GRIK2: variants seen among roughly 807,000 people sequenced by gnomAD.
GRIK2 encodes glutamate receptor ionotropic, kainate 2.
In GRIK2, 32 loss-of-function variants were observed where a neutral mutation model predicts 100.3. The observed-to-expected ratio is 0.32, with a 90% CI of 0.24 to 0.43. The LOEUF is 0.43. GRIK2 is among the 20% of genes least tolerant of loss of function. GRIK2 has a pLI of 1.00. For synonymous variants in GRIK2, 417 were observed against 389.4 expected (o/e 1.07, Z -0.83); for missense variants, 843 against 1,114.9 (o/e 0.76, Z 3.47).
At chr6:101,817,602 G>A (rs1311951849) in intron 9 of GRIK2, among the ~76,000 whole-genome samples, 6 of 152,142 alleles carry the variant, frequency 3.9e-5, no homozygotes, top group African/African-American at 1.4e-4. Context: ...AATGCATTTT[G>A]TGACATCCTG....
intron 2 of GRIK2, among the ~76,000 whole-genome samples, chr6:101,478,099 A>C (rs1253748347): frequency 6.6e-6 from 1 of 152,198 alleles, no homozygotes; most frequent in Admixed American, 6.6e-5. Context: ...TTTTTGAATA[A>C]GAGTATATAA....
intron 2 of GRIK2, among the ~76,000 whole-genome samples, chr6:101,443,167 G>A (rs1239275440): frequency 6.6e-6 from 1 of 152,086 alleles, no homozygotes; most frequent in Non-Finnish European, 1.5e-5. Flanking sequence ...AGGCACCTGG[G>A]ATAAGAGGCA....
chr6:101,761,540 A>T (rs1396481134), intron 7 of GRIK2, among the ~76,000 whole-genome samples: 1 of 152,110 alleles, frequency 6.6e-6, no homozygotes, highest in Non-Finnish European at 1.5e-5. Flanking sequence ...GCTTTCCCAC[A>T]TTATTTTGCA....
chr6:101,756,877 A>AT (rs1777168549), intron 7 of GRIK2, among the ~76,000 whole-genome samples: 1 of 152,134 alleles, frequency 6.6e-6, no homozygotes, highest in Non-Finnish European at 1.5e-5. Flanking sequence ...AAAATTTGGC[A>AT]TTTTTTGCTA....
chr6:101,931,857 T>G (rs1562494749), intron 14 of GRIK2, among the ~76,000 whole-genome samples: 1 of 152,078 alleles, frequency 6.6e-6, no homozygotes, highest in Non-Finnish European at 1.5e-5. Context: ...AGTCCAAGAA[T>G]TTTATTAAGA....
At chr6:102,057,718 A>C (rs1771533092) in intron 16 of GRIK2, among the ~76,000 whole-genome samples, 1 of 151,856 alleles carries the variant, frequency 6.6e-6, no homozygotes, top group Admixed American at 6.6e-5. Context: ...GTCCCTGTCC[A>C]CTGCTGTAGC....
intron 14 of GRIK2, among the ~76,000 whole-genome samples, chr6:101,996,784 C>T (rs1486764006): frequency 6.6e-6 from 1 of 152,090 alleles, no homozygotes; most frequent in Non-Finnish European, 1.5e-5. Flanking sequence ...CTCACCAAGG[C>T]TTGGCCGTGG....
At chr6:101,872,511 C>T (rs925587061) in intron 11 of GRIK2, among the ~76,000 whole-genome samples, 1 of 151,824 alleles carries the variant, frequency 6.6e-6, no homozygotes, top group Admixed American at 6.6e-5. Context: ...GATTGAATTA[C>T]CTACCATCTG....
chr6:101,702,181 C>A (rs1270441935), intron 7 of GRIK2, among the ~76,000 whole-genome samples: 1 of 151,880 alleles, frequency 6.6e-6, no homozygotes, highest in Non-Finnish European at 1.5e-5. Context: ...ACTCAAATGA[C>A]TGCATGAAAA....
chr6:101,796,751 GC>G (rs1780330077), intron 7 of GRIK2, among the ~76,000 whole-genome samples: 2 of 152,064 alleles, frequency 1.3e-5, no homozygotes. Context: ...TCACCATTTT[GC>G]CCAGACTGGG....
intron 14 of GRIK2, among the ~76,000 whole-genome samples, chr6:101,933,543 C>A (rs900945018): frequency 1.3e-5 from 2 of 151,762 alleles, no homozygotes; most frequent in Non-Finnish European, 2.9e-5. Flanking sequence ...TAATATTTTC[C>A]CCTGTATTCA....
intron 7 of GRIK2, among the ~76,000 whole-genome samples, chr6:101,736,413 G>T (rs1481240507): frequency 6.6e-6 from 1 of 152,152 alleles, no homozygotes; most frequent in Non-Finnish European, 1.5e-5. Context: ...ACTTCTGCTT[G>T]GGCATCCAGG....
chr6:101,574,282 G>GTA (rs937318835), intron 2 of GRIK2, among the ~76,000 whole-genome samples: 20 of 146,976 alleles, frequency 1.4e-4, no homozygotes, highest in Admixed American at 2.0e-4. Context: ...CTGTTAAAGT[G>GTA]TATATATATA....
At chr6:101,937,249 C>T (rs539969446) in intron 14 of GRIK2, among the ~76,000 whole-genome samples, 1 of 152,260 alleles carries the variant, frequency 6.6e-6, no homozygotes, top group Non-Finnish European at 1.5e-5. Flanking sequence ...CTATGGTTCT[C>T]TCCCTCCCTT....
At chr6:101,657,687 C>G (rs529722295) in intron 4 of GRIK2, among the ~76,000 whole-genome samples, 1 of 152,152 alleles carries the variant, frequency 6.6e-6, no homozygotes, top group African/African-American at 2.4e-5. Flanking sequence ...TATTATGAGT[C>G]TATTATGTTA....
At chr6:101,826,832 A>G (rs1447075966) in intron 10 of GRIK2, among the ~76,000 whole-genome samples, 1 of 152,078 alleles carries the variant, frequency 6.6e-6, no homozygotes, top group Non-Finnish European at 1.5e-5. Context: ...GATAGTCACT[A>G]TGCCGAATCC....
intron 4 of GRIK2, among the ~76,000 whole-genome samples, chr6:101,637,858 C>T (rs1781097883): frequency 6.6e-6 from 1 of 152,140 alleles, no homozygotes. Context: ...CTGTCTCAAT[C>T]TCTTTGCTGT....
chr6:101,824,771 C>T lies in GRIK2; in HGVS notation c.1317+6288C>T, dbSNP rs1387477884. Reference sequence around the variant, plus strand: ...AACTTAGTCGTATTTTTTATTTTCCCAGTACTTTGTGGAAGGTATTACAGT... The same window carrying T: ...AACTTAGTCGTATTTTTTATTTTCCTAGTACTTTGTGGAAGGTATTACAGT... On this transcript the variant is annotated intron_variant, in intron 10 of 16. Transcript: ENST00000369134. Among the ~76,000 whole-genome samples, 4 of 152,096 alleles carry T rather than the reference C, an allele frequency of 2.6e-5. No individual in the cohort carries two copies. In the South Asian group the frequency reaches 8.3e-4, roughly 32 times the overall value.
At chr6:101,478,823 T>G (rs960037137) in intron 2 of GRIK2, among the ~76,000 whole-genome samples, 2 of 152,200 alleles carry the variant, frequency 1.3e-5, no homozygotes, top group African/African-American at 2.4e-5. Context: ...TGAGACTAAT[T>G]TTAATGAATT....
Sources: allele counts gnomAD v4.1 joint callset (sites outside exome capture counted in the v4.1 genomes callset), GRCh38; gene constraint gnomAD v4.1.1; transcripts MANE v1.5; gene names NCBI Gene and HGNC (gene_info 2026-07-23, HGNC 2026-07-21).